Variants in DPYD observed in about 807,000 individuals in gnomAD.
DPYD encodes the protein dihydropyrimidine dehydrogenase [NADP(+)].
Under a neutral mutation model 116.2 loss-of-function variants are expected in DPYD, and 109 were observed. That is an observed-to-expected ratio of 0.94 (90% CI 0.80 to 1.10). The LOEUF (loss-of-function observed/expected upper bound fraction) is 1.10, where lower values mean the gene tolerates loss of function less well. Among genes scored for constraint, DPYD ranks in the 50% least tolerant of loss-of-function variants. The pLI, the probability that DPYD is intolerant of heterozygous loss-of-function variation, is 0.00. For synonymous variants in DPYD, 440 were observed against 432.0 expected (o/e 1.02, Z -0.23); for missense variants, 1,302 against 1,254.5 (o/e 1.04, Z -0.57).
At chr1:97,722,577 G>T (rs752845197) in intron 4 of DPYD, among the ~76,000 whole-genome samples, 6 of 151,456 alleles carry the variant, frequency 4.0e-5, no homozygotes, top group Non-Finnish European at 7.4e-5. Flanking sequence ...AGAGCTGATA[G>T]AATGCACTTA....
intron 20 of DPYD, among the ~76,000 whole-genome samples, chr1:97,153,420 T>C (rs952699022): frequency 2.0e-5 from 3 of 152,188 alleles, no homozygotes; most frequent in Admixed American, 2.0e-4. Context: ...ATTCAACAAA[T>C]GGTGCTGGGA....
At chr1:97,285,093 A>C (rs1455142924) in intron 18 of DPYD, among the ~76,000 whole-genome samples, 1 of 152,162 alleles carries the variant, frequency 6.6e-6, no homozygotes, top group Non-Finnish European at 1.5e-5. Flanking sequence ...TACAAGACTA[A>C]AGGTGGAGGG....
intron 10 of DPYD, among the ~76,000 whole-genome samples, chr1:97,586,829 G>A (rs1654159870): frequency 6.6e-6 from 1 of 151,568 alleles, no homozygotes; most frequent in Non-Finnish European, 1.5e-5. Context: ...CCAATTGGCT[G>A]GGGATACATT....
intron 2 of DPYD, among the ~76,000 whole-genome samples, chr1:97,861,031 C>T (rs541035016): frequency 8.6e-5 from 13 of 151,908 alleles, no homozygotes; most frequent in African/African-American, 2.9e-4. Context: ...AAACATAAAT[C>T]CTTTGTAAGC....
intron 3 of DPYD, among the ~76,000 whole-genome samples, chr1:97,810,383 T>C (rs1364196449): frequency 1.3e-5 from 2 of 151,832 alleles, no homozygotes; most frequent in African/African-American, 2.4e-5. Context: ...AACAGCATCA[T>C]GTGTTAAATA....
chr1:97,182,039 A>C (rs191316080), intron 20 of DPYD, among the ~76,000 whole-genome samples: 1 of 152,276 alleles, frequency 6.6e-6, no homozygotes, highest in Non-Finnish European at 1.5e-5. Context: ...GTAAGGCATC[A>C]TGCCTGGATT....
At chr1:97,382,535 C>T (rs934628958) in intron 14 of DPYD, 74 bp from the exon 15 acceptor site, 1 of 815,636 alleles carries the variant, frequency 1.2e-6, no homozygotes, top group Non-Finnish European at 1.8e-6. Context: ...TTAATATTTA[C>T]ATAAATTTAT....
rs577079224 is a variant in DPYD, at chr1:97,717,126, C to T, written c.483+4384G>A. Among the ~76,000 whole-genome samples the T allele has an allele frequency of 9.9e-5, 15 of 152,032 alleles. 1 individual carries two copies. The South Asian group carries it at 3.1e-3, about 32-fold the overall frequency. On this transcript the variant is annotated intron_variant, in intron 5 of 22. Transcript: ENST00000370192. ...CAGATAGTTAATGGGTATGAAAATACACTTACATGGAATAAGATCTACTGT... is the reference window on the plus strand; with the variant it reads ...CAGATAGTTAATGGGTATGAAAATATACTTACATGGAATAAGATCTACTGT...
intron 1 of DPYD, among the ~76,000 whole-genome samples, chr1:97,893,429 CATAT>C (rs59336649): frequency 0.014 from 1,009 of 71,894 alleles, 28 homozygotes; most frequent in African/African-American, 0.051. Flanking sequence ...ATATCCATCG[CATAT>C]ATATATATAT....
chr1:97,093,558 C>T (rs1183023180), intron 21 of DPYD, among the ~76,000 whole-genome samples: 2 of 152,192 alleles, frequency 1.3e-5, no homozygotes, highest in African/African-American at 4.8e-5. Context: ...ATTTATAACT[C>T]TATGAGGCAG....
At chr1:97,817,554 A>G (rs1306274907) in intron 3 of DPYD, among the ~76,000 whole-genome samples, 1 of 152,082 alleles carries the variant, frequency 6.6e-6, no homozygotes, top group Non-Finnish European at 1.5e-5. Flanking sequence ...ATTGTGACAT[A>G]TATACCAAAT....
intron 20 of DPYD, among the ~76,000 whole-genome samples, chr1:97,128,135 T>C (rs1306444524): frequency 6.6e-6 from 1 of 152,180 alleles, no homozygotes; most frequent in Non-Finnish European, 1.5e-5. Context: ...AATGAATGCA[T>C]TAATCCCTTC....
rs1558029808 is a variant in DPYD at position 97,323,366 on chromosome 1, GTATACA to G, written c.2059-17075_2059-17070del. Reference sequence around the variant, plus strand: ...TATACATGTGTATATGTACACGTATGTATACATGTGTATATGTACACGTATGTATAC... The same window carrying G: ...TATACATGTGTATATGTACACGTATGTGTGTATATGTACACGTATGTATAC... On this transcript the variant is annotated intron_variant, in intron 16 of 22. Transcript: ENST00000370192. Among the ~76,000 whole-genome samples the G allele has an allele frequency of 6.3e-4, 37 of 58,870 alleles. 5 individuals are homozygous for G. Among genetic ancestry groups the G allele is most frequent in the African/African-American group, 2.1e-3 (36 of 17,160 alleles). 38.6% of individuals were successfully genotyped at this position (58,870 alleles called of 152,430 possible). A position where few individuals can be genotyped will look rare whatever the true frequency, so the allele number is the denominator to read the frequency against.
At chr1:97,362,551 TC>T (rs1484252279) in intron 16 of DPYD, among the ~76,000 whole-genome samples, 1 of 152,080 alleles carries the variant, frequency 6.6e-6, no homozygotes, top group Non-Finnish European at 1.5e-5. Context: ...GACTTCAAAC[TC>T]TATTACAAGG....
chr1:97,678,409 T>C (rs1660258126), intron 8 of DPYD, among the ~76,000 whole-genome samples: 1 of 152,164 alleles, frequency 6.6e-6, no homozygotes, highest in Non-Finnish European at 1.5e-5. Context: ...TCCATTTATA[T>C]GCCGTAATTG....
chr1:97,155,826 A>T (rs1655406964), intron 20 of DPYD, among the ~76,000 whole-genome samples: 1 of 152,174 alleles, frequency 6.6e-6, no homozygotes, highest in Non-Finnish European at 1.5e-5. Context: ...CGGTCTCACT[A>T]AATAAGACAG....
Position 97,791,034 on chromosome 1 carries a change from A to C in DPYD, c.233+37080T>G, listed in dbSNP as rs145261089. Among the ~76,000 whole-genome samples the C allele has an allele frequency of 2.7e-3, 416 of 152,354 alleles. 2 individuals carry two copies. The highest frequency in any genetic ancestry group is 8.9e-3 in the African/African-American group (372 of 41,594). On this transcript the variant is annotated intron_variant, in intron 3 of 22. Coordinates refer to ENST00000370192, the MANE Select transcript of DPYD (RefSeq NM_000110.4). ...AAGAAAAAAGGCAGTTGGTTCATCC[A>C]AAGTTATGTCTAAATAACAGTTTAA...
intron 2 of DPYD, among the ~76,000 whole-genome samples, chr1:97,836,479 C>G (rs1426820787): frequency 1.3e-5 from 2 of 151,854 alleles, no homozygotes; most frequent in Admixed American, 6.6e-5. Flanking sequence ...ATAACACCAC[C>G]CAGTGTGTGT....
At chr1:97,462,813 C>T (rs1366106853) in intron 13 of DPYD, among the ~76,000 whole-genome samples, 4 of 152,168 alleles carry the variant, frequency 2.6e-5, no homozygotes, top group Non-Finnish European at 5.9e-5. Context: ...CAGGTCTTTT[C>T]CCTGATCTAG....
Sources: gnomAD v4.1 joint callset for allele counts (sites outside exome capture counted in the v4.1 genomes callset) on GRCh38, gnomAD v4.1.1 for gene constraint, MANE v1.5 for transcripts, NCBI Gene and HGNC (gene_info 2026-07-23, HGNC 2026-07-21) for gene names.